NCOA1: variants seen among roughly 807,000 people sequenced by gnomAD.
The protein encoded by NCOA1 is nuclear receptor coactivator 1.
A neutral mutation model predicts 150.9 loss-of-function variants in NCOA1; 35 were observed. The ratio of observed to expected loss-of-function variants is 0.23; its 90% CI spans 0.18 to 0.31. The LOEUF is 0.31. NCOA1 is among the 10% of genes least tolerant of loss of function. The probability of loss-of-function intolerance (pLI) is 1.00; values close to 1 mark genes in which losing one functional copy is unlikely to be tolerated. For synonymous variants in NCOA1, 590 were observed against 630.0 expected, an observed-to-expected ratio of 0.94 and a Z score of 0.95; for missense variants, 1,491 against 1,749.3, an observed-to-expected ratio of 0.85 and a Z score of 2.63.
At chr2:24,617,877 ACACACG>A (rs1668943363) in intron 3 of NCOA1, among the ~76,000 whole-genome samples, 3 of 151,918 alleles carry the variant, frequency 2.0e-5, no homozygotes, top group Admixed American at 6.5e-5. Flanking sequence ...TGATATACAC[ACACACG>A]CACACACGCA....
At chr2:24,610,740 G>C (rs1433998762) in intron 3 of NCOA1, among the ~76,000 whole-genome samples, 1 of 147,942 alleles carries the variant, frequency 6.8e-6, no homozygotes, top group Non-Finnish European at 1.5e-5. Flanking sequence ...CTTTCTAATA[G>C]TGCCTTATTT....
At chr2:24,648,245 T>G (rs1240917394) in intron 4 of NCOA1, among the ~76,000 whole-genome samples, 2 of 151,956 alleles carry the variant, frequency 1.3e-5, no homozygotes, top group African/African-American at 2.4e-5. Context: ...ATCTTTTCTA[T>G]AAATGTGGTC....
At chr2:24,743,613 TC>T (rs763891886) in intron 19 of NCOA1, among the ~76,000 whole-genome samples, 8 of 152,228 alleles carry the variant, frequency 5.3e-5, no homozygotes, top group Non-Finnish European at 1.0e-4. Context: ...TTTCCATGTG[TC>T]TTACAATTTC....
chr2:24,673,370 A>G lies in NCOA1; in HGVS notation c.261A>G (p.Lys87=), dbSNP rs1409291610. The change falls in exon 7 of 23, where the codon AAA becomes AAG. Residue 87 remains lysine (K), a synonymous_variant. Coordinates refer to ENST00000348332, the MANE Select transcript of NCOA1 (RefSeq NM_003743.5). ...IQLMKRMEQE[K]STTDDDVQKS... is the part of the protein sequence containing the mutation. ...TTTTAAGTTTCTTTATTATAGAGAA[A>G]TCAACAACTGATGACGATGTACAGA... 2.6e-6 allele frequency: 4 copies of G among 1,560,488 alleles called. No individual in the cohort carries two copies. The highest frequency in any genetic ancestry group is 3.4e-6 in the Non-Finnish European group (4 of 1,159,632).
Position 24,697,675 on chromosome 2 carries a change from G to A in NCOA1, c.826G>A (p.Asp276Asn). Residue 276 changes from aspartate to asparagine, a missense_variant, in exon 11 of 23, where the codon GAT becomes AAT. Coordinates refer to ENST00000348332, the MANE Select transcript of NCOA1 (RefSeq NM_003743.5). ...QDTTGKIISI[D>N]TSSLRAAGRT... ...TTGTACAGGTAAAATCATCTCTATT[G>A]ATACTAGTTCCCTGAGAGCTGCTGG... 1 of 1,611,738 alleles carries A rather than the reference G, an allele frequency of 6.2e-7. No homozygotes were observed. Among genetic ancestry groups the A allele is most frequent in the Non-Finnish European group, 8.5e-7 (1 of 1,178,064 alleles).
chr2:24,554,356 T>C (rs1665984591), intron 1 of NCOA1: 1 of 152,144 alleles, frequency 6.6e-6, no homozygotes, highest in African/African-American at 2.4e-5. Context: ...GTTTGTTTGT[T>C]TTTGTTTTTT....
At chr2:24,513,502 A>G (rs1664023906) in intron 1 of NCOA1, among the ~76,000 whole-genome samples, 1 of 151,102 alleles carries the variant, frequency 6.6e-6, no homozygotes, top group South Asian at 2.1e-4. Context: ...TCCATGTTTT[A>G]TTATTAGACA....
At chr2:24,559,016 G>A (rs1017327472) in intron 1 of NCOA1, among the ~76,000 whole-genome samples, 14 of 152,114 alleles carry the variant, frequency 9.2e-5, no homozygotes, top group African/African-American at 3.4e-4. Context: ...GACATTCAAC[G>A]TGGGGGTCCA....
intron 1 of NCOA1, among the ~76,000 whole-genome samples, chr2:24,498,203 T>G (rs1330373564): frequency 1.3e-5 from 2 of 152,246 alleles, no homozygotes; most frequent in African/African-American, 4.8e-5. Flanking sequence ...CCATTCTAAA[T>G]GGTACAGGTA....
At position 24,646,903 on chromosome 2, in the gene NCOA1, A is replaced by T. The variant is rs12611978; in HGVS notation, c.-18+2781A>T. ...AAGATTTATAAACTTTGGAACAAAA[A>T]TTAGGGTTTGCAAAAGCAGAACTTT... On this transcript the variant is annotated intron_variant, in intron 4 of 22. Transcript: ENST00000348332. Among the ~76,000 whole-genome samples the T allele has an allele frequency of 4.6e-5, 7 of 152,156 alleles. No homozygotes were observed. In the East Asian group the frequency reaches 1.2e-3, roughly 25 times the overall value.
chr2:24,680,453 T>C (rs1249389199), intron 7 of NCOA1, among the ~76,000 whole-genome samples: 6 of 152,204 alleles, frequency 3.9e-5, no homozygotes, highest in African/African-American at 1.4e-4. Context: ...GAAGACATTA[T>C]GTTAATTAAA....
At chr2:24,562,225 T>C (rs1572421511) in intron 1 of NCOA1, among the ~76,000 whole-genome samples, 1 of 152,260 alleles carries the variant, frequency 6.6e-6, no homozygotes, top group Middle Eastern at 3.4e-3. Flanking sequence ...GCAAGAGAAA[T>C]AGTACAGGTT....
At chr2:24,723,137 A>G (rs1674440660) in intron 14 of NCOA1, among the ~76,000 whole-genome samples, 1 of 152,144 alleles carries the variant, frequency 6.6e-6, no homozygotes, top group African/African-American at 2.4e-5. Flanking sequence ...TCCTGGCAGT[A>G]TCGTTTTTTC....
intron 3 of NCOA1, among the ~76,000 whole-genome samples, chr2:24,624,155 A>G (rs1291394823): frequency 6.6e-6 from 1 of 151,966 alleles, no homozygotes; most frequent in African/African-American, 2.4e-5. Context: ...TTTCTTTGTT[A>G]CTCCATAATT....
intron 3 of NCOA1, among the ~76,000 whole-genome samples, chr2:24,604,724 A>G (rs1249353590): frequency 6.6e-6 from 1 of 152,210 alleles, no homozygotes; most frequent in African/African-American, 2.4e-5. Context: ...CTTTACCCAT[A>G]TGAGCAACAA....
At chr2:24,575,331 C>G (rs571306918) in intron 2 of NCOA1, among the ~76,000 whole-genome samples, 1 of 152,200 alleles carries the variant, frequency 6.6e-6, no homozygotes, top group East Asian at 1.9e-4. Context: ...TAAAAACAGT[C>G]TTGCATTTCT....
At chr2:24,704,990 T>C (rs1024104264) in intron 11 of NCOA1, 96 bp from the exon 12 acceptor site, 8 of 1,353,910 alleles carry the variant, frequency 5.9e-6, no homozygotes, top group African/African-American at 1.5e-5. Flanking sequence ...GGGAGGGCCT[T>C]TAAAATGAGG....
intron 7 of NCOA1, 134 bp downstream of exon 7, chr2:24,673,597 T>G (rs1329943534): frequency 5.7e-6 from 3 of 529,372 alleles, no homozygotes; most frequent in Non-Finnish European, 9.8e-6. Context: ...ATTATTTTAT[T>G]ATGAGAACTA....
chr2:24,515,586 T>C (rs1181625583), intron 1 of NCOA1, among the ~76,000 whole-genome samples: 1 of 152,156 alleles, frequency 6.6e-6, no homozygotes. Context: ...TTTTGAGTGA[T>C]TAAGAGTGAT....
Sources: allele counts gnomAD v4.1 joint callset (sites outside exome capture counted in the v4.1 genomes callset), GRCh38; gene constraint gnomAD v4.1.1; transcripts MANE v1.5; gene names NCBI Gene and HGNC (gene_info 2026-07-23, HGNC 2026-07-21).